The following ACOXL variants were observed in gnomAD, a reference collection of about 807,000 sequenced individuals.
The protein encoded by ACOXL is acyl-CoA oxidase like, also known as acyl-coenzyme A oxidase-like protein.
A neutral mutation model predicts 71.9 loss-of-function variants in ACOXL; 70 were observed. That is an observed-to-expected ratio of 0.97 (90% CI 0.80 to 1.19). The LOEUF (loss-of-function observed/expected upper bound fraction) is 1.19. Ranked by LOEUF, ACOXL falls within the 50% of genes most tolerant of loss-of-function variation. The pLI is 0.00. For synonymous variants in ACOXL, 253 were observed against 281.6 expected (o/e 0.90, Z 1.02); for missense variants, 703 against 736.3 (o/e 0.95, Z 0.52).
At chr2:111,023,644 G>A (rs570348271) in intron 14 of ACOXL, among the ~76,000 whole-genome samples, 5 of 152,112 alleles carry the variant, frequency 3.3e-5, no homozygotes, top group Admixed American at 6.5e-5. Flanking sequence ...TATGGAGCAG[G>A]ATGGAGGATA....
chr2:110,830,558 G>A (rs552131021), intron 9 of ACOXL, among the ~76,000 whole-genome samples: 1 of 151,510 alleles, frequency 6.6e-6, no homozygotes, highest in Non-Finnish European at 1.5e-5. Flanking sequence ...TTTTGAGACA[G>A]AGTCTTGGTT....
At chr2:111,050,143 T>C (rs2066216785) in intron 16 of ACOXL, among the ~76,000 whole-genome samples, 1 of 152,112 alleles carries the variant, frequency 6.6e-6, no homozygotes, top group Non-Finnish European at 1.5e-5. Flanking sequence ...CATTTCTTTA[T>C]CTAAAAACCA....
chr2:110,889,953 C>T (rs1219732901), intron 10 of ACOXL, among the ~76,000 whole-genome samples: 1 of 152,156 alleles, frequency 6.6e-6, no homozygotes, highest in Admixed American at 6.5e-5. Context: ...TCAATTTCTC[C>T]ACATACTAGC....
At chr2:111,049,116 C>T in intron 15 of ACOXL, 102 bp from the exon 16 acceptor site, 4 of 920,082 alleles carry the variant, frequency 4.3e-6, no homozygotes, top group Non-Finnish European at 5.2e-6. Context: ...GGACGGACAG[C>T]ATGCTGTTTA....
intron 9 of ACOXL, among the ~76,000 whole-genome samples, chr2:110,822,896 T>C (rs1688777710): frequency 6.6e-6 from 1 of 152,174 alleles, no homozygotes; most frequent in Non-Finnish European, 1.5e-5. Flanking sequence ...GAATGTCATA[T>C]AAATAGCATC....
At chr2:110,769,956 G>A (rs188412569) in intron 2 of ACOXL, among the ~76,000 whole-genome samples, 1 of 151,840 alleles carries the variant, frequency 6.6e-6, no homozygotes, top group African/African-American at 2.4e-5. Flanking sequence ...TGGGAGGATC[G>A]TTTGAGGCTC....
chr2:110,929,197 G>A (rs1399586823), intron 11 of ACOXL, among the ~76,000 whole-genome samples: 2 of 152,198 alleles, frequency 1.3e-5, no homozygotes, highest in Non-Finnish European at 2.9e-5. Context: ...AAATGGCTTT[G>A]ACCAAAATGG....
chr2:110,937,403 T>G (rs1312024383), intron 12 of ACOXL, among the ~76,000 whole-genome samples: 1 of 152,108 alleles, frequency 6.6e-6, no homozygotes, highest in Non-Finnish European at 1.5e-5. Context: ...AAATAAAAAA[T>G]GTTTTAGGAG....
At chr2:110,734,718 A>T (rs1676620163) in intron 1 of ACOXL, among the ~76,000 whole-genome samples, 1 of 152,004 alleles carries the variant, frequency 6.6e-6, no homozygotes, top group Admixed American at 6.5e-5. Context: ...AGATAACTGC[A>T]GTTTAAAAGA....
chr2:110,831,501 C>A (rs947193522), intron 9 of ACOXL, among the ~76,000 whole-genome samples: 1 of 152,148 alleles, frequency 6.6e-6, no homozygotes, highest in Admixed American at 6.6e-5. Flanking sequence ...TTGGAAGACT[C>A]CACATGATAA....
At chr2:110,869,550 G>A (rs185379277) in intron 10 of ACOXL, among the ~76,000 whole-genome samples, 112 of 152,294 alleles carry the variant, frequency 7.4e-4, no homozygotes, top group African/African-American at 2.6e-3. Flanking sequence ...GCACTCTCCA[G>A]CGCTGGGGCT....
chr2:111,064,720 G>A (rs1375619342), intron 16 of ACOXL, among the ~76,000 whole-genome samples: 2 of 152,088 alleles, frequency 1.3e-5, no homozygotes, highest in Non-Finnish European at 2.9e-5. Context: ...ACTAGTATCG[G>A]ACACCTGGAA....
At chr2:110,850,630 C>T (rs554672449) in intron 10 of ACOXL, among the ~76,000 whole-genome samples, 53 of 152,210 alleles carry the variant, frequency 3.5e-4, no homozygotes, top group African/African-American at 1.2e-3. Context: ...CAAAACTTCC[C>T]AACACAAACA....
intron 14 of ACOXL, among the ~76,000 whole-genome samples, chr2:111,020,775 A>G (rs951631981): frequency 1.3e-5 from 2 of 152,210 alleles, no homozygotes; most frequent in Non-Finnish European, 2.9e-5. Flanking sequence ...CCTGGGGACC[A>G]GGAGGGCCAG....
chr2:110,978,160 C>A lies in ACOXL; in HGVS notation c.1060-8948C>A, dbSNP rs1056158880. 1.3e-5 allele frequency among the ~76,000 whole-genome samples: 2 copies of A among 152,170 alleles called. 1 individual carries two copies. Among genetic ancestry groups the A allele is most frequent in the Non-Finnish European group, 2.9e-5 (2 of 68,030 alleles). On this transcript the variant is annotated intron_variant, in intron 12 of 17. Coordinates refer to ENST00000439055, the MANE Select transcript of ACOXL (RefSeq NM_001142807.4). ...ATAAAGAACAGACATTTATTTCTTA[C>A]AGTTCTGGAGGCTGGGGAGTCCAAG...
At chr2:110,879,615 T>C (rs551466293) in intron 10 of ACOXL, among the ~76,000 whole-genome samples, 45 of 152,320 alleles carry the variant, frequency 3.0e-4, no homozygotes, top group Non-Finnish European at 4.9e-4. Context: ...CCATCAAATG[T>C]TGAAATCAGT....
At chr2:110,858,079 T>C (rs1204583400) in intron 10 of ACOXL, among the ~76,000 whole-genome samples, 2 of 152,198 alleles carry the variant, frequency 1.3e-5, no homozygotes, top group South Asian at 2.1e-4. Context: ...TTTTAGGTGC[T>C]CTGGACATAT....
intron 11 of ACOXL, among the ~76,000 whole-genome samples, chr2:110,930,625 A>G (rs904099822): frequency 2.6e-5 from 4 of 152,186 alleles, no homozygotes; most frequent in Admixed American, 2.6e-4. Context: ...GTGCCCACCC[A>G]AATCTCATCT....
At chr2:110,740,512 C>G (rs1226044563) in intron 1 of ACOXL, among the ~76,000 whole-genome samples, 1 of 152,216 alleles carries the variant, frequency 6.6e-6, no homozygotes, top group Admixed American at 6.5e-5. Context: ...TCCCCATTAA[C>G]ATACATAAAT....
Sources: allele counts gnomAD v4.1 joint callset (sites outside exome capture counted in the v4.1 genomes callset), GRCh38; gene constraint gnomAD v4.1.1; transcripts MANE v1.5; gene names NCBI Gene and HGNC (gene_info 2026-07-23, HGNC 2026-07-21).